Variants in MAP3K20 observed in about 807,000 individuals in gnomAD.
The protein encoded by MAP3K20 is HCCS-4.
A neutral mutation model predicts 85.7 loss-of-function variants in MAP3K20; 40 were observed. The observed-to-expected ratio is 0.47, with a 90% confidence interval of 0.36 to 0.61. The LOEUF (loss-of-function observed/expected upper bound fraction) is 0.61, where lower values mean the gene tolerates loss of function less well. Among genes scored for constraint, MAP3K20 ranks in the 20% least tolerant of loss-of-function variants. The pLI is 0.00. For missense variants in MAP3K20, 817 were observed against 961.7 expected, an observed-to-expected ratio of 0.85 and a Z score of 1.99; for synonymous variants, 325 against 327.7, an observed-to-expected ratio of 0.99 and a Z score of 0.09.
chr2:173,103,754 C>T (rs1687701958), intron 2 of MAP3K20, among the ~76,000 whole-genome samples: 1 of 152,086 alleles, frequency 6.6e-6, no homozygotes, highest in Non-Finnish European at 1.5e-5. Context: ...CTGCAGATAC[C>T]ACTGAAAGAG....
intron 14 of MAP3K20, among the ~76,000 whole-genome samples, chr2:173,235,243 G>C (rs1684621897): frequency 1.3e-5 from 2 of 152,218 alleles, no homozygotes; most frequent in African/African-American, 4.8e-5. Context: ...AGTTTTATGG[G>C]ATCATACTGG....
chr2:173,225,780 G>A (rs1217914124), intron 11 of MAP3K20: 15 of 984,484 alleles, frequency 1.5e-5, no homozygotes, highest in Non-Finnish European at 1.7e-5. Context: ...TGTGAGTTTC[G>A]TGGCTTTATC....
chr2:173,257,115 G>T (rs1250134423), intron 16 of MAP3K20, among the ~76,000 whole-genome samples: 1 of 152,170 alleles, frequency 6.6e-6, no homozygotes, highest in Non-Finnish European at 1.5e-5. Flanking sequence ...AGTGAGCAGA[G>T]ATCATGCTAC....
chr2:173,151,322 C>G (rs1251938038), intron 2 of MAP3K20, among the ~76,000 whole-genome samples: 1 of 152,170 alleles, frequency 6.6e-6, no homozygotes, highest in Non-Finnish European at 1.5e-5. Flanking sequence ...CTGAGCCCCA[C>G]CCTATACCAG....
chr2:173,121,646 C>G (rs989237404), intron 2 of MAP3K20, among the ~76,000 whole-genome samples: 4 of 152,114 alleles, frequency 2.6e-5, no homozygotes, highest in Non-Finnish European at 2.9e-5. Context: ...CTTGGCCTCC[C>G]AAAGTGCTGG....
chr2:173,219,839 G>T lies in MAP3K20; in HGVS notation c.987+2589G>T, dbSNP rs185649294. 1.1e-3 allele frequency among the ~76,000 whole-genome samples: 160 copies of T among 152,012 alleles called. 1 individual carries two copies. In the East Asian group the frequency reaches 0.023, roughly 22 times the overall value. On this transcript the variant is annotated intron_variant, in intron 11 of 19. Transcript: ENST00000375213. The stretch of plus-strand genomic sequence containing the variant: ...AACCCAGCACTTTGGGAGGCTGAGG[G>T]GGGTGGATCACGAGGTCAGGCGTTC...
At position 173,267,793 on chromosome 2, in the gene MAP3K20, C is replaced by G. The variant is rs1195005909; in HGVS notation, c.*1043C>G. On this transcript the variant is annotated 3_prime_UTR_variant, in exon 20 of 20. Transcript: ENST00000375213. The stretch of plus-strand genomic sequence containing the variant: ...AGAGAAATTTAAAATTACCAACATC[C>G]TTGTTGGAGTAAGACAGTAAATATC... 4 of 152,188 alleles carry G rather than the reference C, an allele frequency of 2.6e-5. No individual in the cohort carries two copies. The highest frequency in any genetic ancestry group is 4.8e-5 in the African/African-American group (2 of 41,432). The allele number at this position is 152,188 out of a possible 1,614,324, so 9.4% of individuals were successfully genotyped here.
intron 5 of MAP3K20, among the ~76,000 whole-genome samples, chr2:173,189,247 T>C (rs1690579778): frequency 6.6e-6 from 1 of 152,236 alleles, no homozygotes. Context: ...TTTACATTTC[T>C]ATTTGTAAAA....
intron 11 of MAP3K20, chr2:173,223,226 G>T (rs1684298859): frequency 1.0e-6 from 1 of 985,302 alleles, no homozygotes; most frequent in South Asian, 4.7e-5. Context: ...GCATAGTGAT[G>T]AAGAAAGGGA....
chr2:173,134,156 C>G (rs1197927360), intron 2 of MAP3K20, among the ~76,000 whole-genome samples: 2 of 147,942 alleles, frequency 1.4e-5, no homozygotes, highest in African/African-American at 5.0e-5. Flanking sequence ...TGGTAGGAAT[C>G]TTATATTAAG....
chr2:173,239,605 G>A, intron 16 of MAP3K20, 109 bp downstream of exon 16: 1 of 946,712 alleles, frequency 1.1e-6, no homozygotes, highest in East Asian at 2.7e-5. Context: ...ACTGGATTTT[G>A]AGTAAATTTA....
intron 2 of MAP3K20, among the ~76,000 whole-genome samples, chr2:173,132,096 G>A (rs1688635136): frequency 6.6e-6 from 1 of 152,056 alleles, no homozygotes; most frequent in South Asian, 2.1e-4. Context: ...TTGAATTGAT[G>A]CTTTCTTGTC....
At position 173,266,687 on chromosome 2, in the gene MAP3K20, A is replaced by G. The variant is rs759816291; in HGVS notation, c.2340A>G (p.Pro780=). 8.0e-5 allele frequency: 128 copies of G among 1,599,392 alleles called. No individual in the cohort carries two copies. Among genetic ancestry groups the G allele is most frequent in the Non-Finnish European group, 1.0e-4 (117 of 1,172,992 alleles). Residue 780 remains proline, a synonymous_variant, in exon 20 of 20, where the codon CCA becomes CCG. Transcript: ENST00000375213. ...AATACCGGAAAAAGCCCCACAGGCCATCTCCCGCCAAAACCAATAAAGAGA... is the reference window on the plus strand; with the variant it reads ...AATACCGGAAAAAGCCCCACAGGCCGTCTCCCGCCAAAACCAATAAAGAGA... The part of the protein sequence containing the change: ...KVEYRKKPHR[P]SPAKTNKERA...
At chr2:173,081,419 G>C (rs183491381) in intron 1 of MAP3K20, among the ~76,000 whole-genome samples, 16 of 152,188 alleles carry the variant, frequency 1.1e-4, no homozygotes, top group Non-Finnish European at 1.9e-4. Context: ...CCACGTATGG[G>C]AATAAGCACA....
intron 7 of MAP3K20, among the ~76,000 whole-genome samples, chr2:173,192,014 G>A (rs1011547126): frequency 6.6e-6 from 1 of 152,130 alleles, no homozygotes; most frequent in Non-Finnish European, 1.5e-5. Flanking sequence ...AAAATGTTAC[G>A]TATTCTTTAA....
chr2:173,209,137 G>A (rs1866632), intron 9 of MAP3K20, among the ~76,000 whole-genome samples: 85,135 of 152,082 alleles, frequency 0.56, 25,509 homozygotes, highest in Non-Finnish European at 0.68. Context: ...TATATAGGTA[G>A]ATTGTGTGTC....
intron 1 of MAP3K20, among the ~76,000 whole-genome samples, chr2:173,085,822 G>T (rs1687130310): frequency 1.0e-5 from 1 of 99,234 alleles, no homozygotes. Flanking sequence ...TTGAGATAGA[G>T]CCTTGCTCTG....
intron 11 of MAP3K20, chr2:173,223,719 T>TC (rs1372393871): frequency 1.0e-6 from 1 of 985,230 alleles, no homozygotes. Context: ...AAAGATGGAT[T>TC]CCCCCACATA....
intron 12 of MAP3K20, 72 bp downstream of exon 12, chr2:173,229,805 G>A: frequency 6.6e-7 from 1 of 1,518,092 alleles, no homozygotes; most frequent in East Asian, 2.3e-5. Flanking sequence ...AGTTTTTAGG[G>A]GAAGAGATTG....
Sources: gnomAD v4.1 joint callset for allele counts (sites outside exome capture counted in the v4.1 genomes callset) on GRCh38, gnomAD v4.1.1 for gene constraint, MANE v1.5 for transcripts, NCBI Gene and HGNC (gene_info 2026-07-23, HGNC 2026-07-21) for gene names.